CACNB2: variants seen among roughly 807,000 people sequenced by gnomAD.
CACNB2 encodes calcium voltage-gated channel auxiliary subunit beta 2.
Under a neutral mutation model 73.3 loss-of-function variants are expected in CACNB2, and 42 were observed. The ratio of observed to expected loss-of-function variants is 0.57; its 90% CI spans 0.45 to 0.74. The LOEUF (loss-of-function observed/expected upper bound fraction) is 0.74, where lower values mean the gene tolerates loss of function less well. Among genes scored for constraint, CACNB2 ranks in the 30% least tolerant of loss-of-function variants. The pLI is 0.00. For missense variants in CACNB2, 940 were observed against 853.0 expected (o/e 1.10, Z -1.27); for synonymous variants, 348 against 310.3 (o/e 1.12, Z -1.28).
rs556644724 is a variant in CACNB2 at position 18,298,326 on chromosome 10, C to T, written c.214-103598C>T. Among the ~76,000 whole-genome samples the T allele has an allele frequency of 7.9e-5, 12 of 151,526 alleles. 1 individual carries two copies. Among genetic ancestry groups the T allele is most frequent in the South Asian group, 6.3e-4 (3 of 4,792 alleles). On this transcript the variant is annotated intron_variant, in intron 2 of 13. Coordinates refer to ENST00000324631, the MANE Select transcript of CACNB2 (RefSeq NM_201596.3). The stretch of plus-strand genomic sequence containing the variant: ...CGGAGGTTGCAGTGAGCCGAGATTA[C>T]GCCATTTCACTCCAGCCTGGGCGAA...
At chr10:18,172,349 G>A (rs2033301368) in intron 2 of CACNB2, among the ~76,000 whole-genome samples, 1 of 152,204 alleles carries the variant, frequency 6.6e-6, no homozygotes, top group South Asian at 2.1e-4. Flanking sequence ...GGGCGACACA[G>A]CAAGACTCCT....
intron 2 of CACNB2, among the ~76,000 whole-genome samples, chr10:18,385,264 C>T (rs1451254904): frequency 6.7e-6 from 1 of 149,754 alleles, no homozygotes; most frequent in Non-Finnish European, 1.5e-5. Flanking sequence ...GCCTGAGCAA[C>T]AGAGAGAGAC....
At position 18,538,289 on chromosome 10, in the gene CACNB2, T is replaced by TC; in HGVS notation, c.1416dup (p.Asn473GlnfsTer5). 6.2e-7 allele frequency: 1 copy of TC among 1,614,090 alleles called. No individual in the cohort carries two copies. Among genetic ancestry groups the TC allele is most frequent in the South Asian group, 1.1e-5 (1 of 91,078 alleles). ...GCCACCCATCCTCCCAGCAGTAGCC[T>TC]CCCCAACCCTCTCCTTAGCCGTACA... On this transcript the variant is annotated frameshift_variant, in exon 13 of 14. Transcript: ENST00000324631. LOFTEE classifies it high-confidence loss of function.
At chr10:18,144,565 C>G (rs2030768289) in intron 1 of CACNB2, among the ~76,000 whole-genome samples, 1 of 152,216 alleles carries the variant, frequency 6.6e-6, no homozygotes, top group Non-Finnish European at 1.5e-5. Flanking sequence ...AGCTCCAGAT[C>G]TGTCTGTTCA....
At chr10:18,215,216 G>A (rs1588718963) in intron 2 of CACNB2, among the ~76,000 whole-genome samples, 1 of 152,272 alleles carries the variant, frequency 6.6e-6, no homozygotes, top group East Asian at 1.9e-4. Flanking sequence ...TATTTCACAA[G>A]TAGCCTACAA....
At chr10:18,178,783 C>G (rs58894965) in intron 2 of CACNB2, among the ~76,000 whole-genome samples, 1 of 152,154 alleles carries the variant, frequency 6.6e-6, no homozygotes, top group African/African-American at 2.4e-5. Flanking sequence ...TGGAGACTGC[C>G]AGGAGAGCTG....
intron 6 of CACNB2, among the ~76,000 whole-genome samples, chr10:18,506,959 C>T (rs1392985962): frequency 3.9e-5 from 6 of 152,192 alleles, no homozygotes; most frequent in South Asian, 4.2e-4. Context: ...CCACCATGCC[C>T]GGCTAATTTT....
At chr10:18,530,668 C>G (rs78784973) in intron 10 of CACNB2, among the ~76,000 whole-genome samples, 1 of 152,164 alleles carries the variant, frequency 6.6e-6, no homozygotes, top group Non-Finnish European at 1.5e-5. Flanking sequence ...TCCCACTGTA[C>G]ATATATTGCT....
intron 2 of CACNB2, among the ~76,000 whole-genome samples, chr10:18,359,133 G>T (rs1044544020): frequency 2.6e-5 from 4 of 151,590 alleles, no homozygotes; most frequent in African/African-American, 9.7e-5. Flanking sequence ...TAACTTCTAC[G>T]TTATTTAGGG....
intron 2 of CACNB2, among the ~76,000 whole-genome samples, chr10:18,268,781 T>C (rs1588894979): frequency 6.6e-6 from 1 of 152,232 alleles, no homozygotes; most frequent in African/African-American, 2.4e-5. Flanking sequence ...GAAAGGCTTA[T>C]AAAATTTAAA....
At chr10:18,158,805 G>A (rs1447611153) in intron 2 of CACNB2, among the ~76,000 whole-genome samples, 1 of 152,206 alleles carries the variant, frequency 6.6e-6, no homozygotes, top group Admixed American at 6.5e-5. Flanking sequence ...GCTTGGCATG[G>A]ATGGGTAGAA....
intron 6 of CACNB2, among the ~76,000 whole-genome samples, chr10:18,512,726 G>C (rs901587303): frequency 9.9e-5 from 15 of 152,238 alleles, no homozygotes; most frequent in African/African-American, 3.4e-4. Flanking sequence ...CCATGCTTTG[G>C]GATTCGGCAA....
intron 2 of CACNB2, among the ~76,000 whole-genome samples, chr10:18,280,772 C>G (rs2038508252): frequency 6.6e-6 from 1 of 152,198 alleles, no homozygotes; most frequent in Non-Finnish European, 1.5e-5. Context: ...AATTACCTTT[C>G]TCTTACAAAA....
rs938159944 is a variant in CACNB2, at chr10:18,318,198, G to C, written c.214-83726G>C. On this transcript the variant is annotated intron_variant, in intron 2 of 13. Transcript: ENST00000324631. ...CCTAGGCAAAAATAACAAAGCTGGA[G>C]GCATAATGTTACCTGACTTCAAGCT... Among the ~76,000 whole-genome samples, 81 of 152,100 alleles carry C rather than the reference G, an allele frequency of 5.3e-4. 2 individuals carry two copies. Among genetic ancestry groups the C allele is most frequent in the Non-Finnish European group, 8.8e-5 (6 of 68,024 alleles).
At position 18,534,064 on chromosome 10, in the gene CACNB2, C is replaced by G; in HGVS notation, c.1055-12C>G. 6.2e-7 allele frequency: 1 copy of G among 1,613,816 alleles called. No homozygotes were observed. The highest frequency in any genetic ancestry group is 1.1e-5 in the South Asian group (1 of 91,074). On this transcript the variant is annotated splice_polypyrimidine_tract_variant and intron_variant, in intron 10 of 13. Coordinates refer to ENST00000324631, the MANE Select transcript of CACNB2 (RefSeq NM_201596.3). ...ATACTGCACTTTAACTGAATTGTTTCGCCCTTTACAGCGGAAGTTCAGAGT... is the reference window on the plus strand; with the variant it reads ...ATACTGCACTTTAACTGAATTGTTTGGCCCTTTACAGCGGAAGTTCAGAGT...
intron 3 of CACNB2, among the ~76,000 whole-genome samples, chr10:18,435,911 A>G (rs911517996): frequency 6.6e-6 from 1 of 150,828 alleles, no homozygotes; most frequent in Non-Finnish European, 1.5e-5. Context: ...ACAGAGCTCA[A>G]CCAATTCTGA....
At chr10:18,373,041 C>T (rs954859214) in intron 2 of CACNB2, among the ~76,000 whole-genome samples, 4 of 151,954 alleles carry the variant, frequency 2.6e-5, no homozygotes, top group Non-Finnish European at 4.4e-5. Flanking sequence ...GTCTGAAACT[C>T]GTGGCCTCAA....
At chr10:18,221,628 G>C (rs1249316630) in intron 2 of CACNB2, among the ~76,000 whole-genome samples, 2 of 152,188 alleles carry the variant, frequency 1.3e-5, no homozygotes, top group African/African-American at 4.8e-5. Context: ...GCAGTGAGCT[G>C]AGATTGCGCC....
At chr10:18,307,290 T>C (rs1198523148) in intron 2 of CACNB2, among the ~76,000 whole-genome samples, 4 of 152,126 alleles carry the variant, frequency 2.6e-5, no homozygotes, top group South Asian at 2.1e-4. Flanking sequence ...AGTGAAACCC[T>C]GTCTCTACTA....
Sources: gnomAD v4.1 joint callset for allele counts (sites outside exome capture counted in the v4.1 genomes callset) on GRCh38, gnomAD v4.1.1 for gene constraint, MANE v1.5 for transcripts, NCBI Gene and HGNC (gene_info 2026-07-23, HGNC 2026-07-21) for gene names.